DBX2: variants seen among roughly 807,000 people sequenced by gnomAD.
DBX2 encodes developing brain homeobox 2.
In DBX2, 16 loss-of-function variants were observed where a neutral mutation model predicts 17.7. The observed-to-expected ratio is 0.90, with a 90% CI of 0.61 to 1.37. The LOEUF (loss-of-function observed/expected upper bound fraction) is 1.37, where lower values mean the gene tolerates loss of function less well. Among genes scored for constraint, DBX2 ranks in the 40% most tolerant of loss-of-function variants. The pLI is 0.00. For missense variants in DBX2, 538 were observed against 433.8 expected (o/e 1.24, Z -2.13); for synonymous variants, 255 against 183.8 (o/e 1.39, Z -3.13).
At chr12:45,047,730 T>C (rs1358515040) in intron 1 of DBX2, among the ~76,000 whole-genome samples, 2 of 152,162 alleles carry the variant, frequency 1.3e-5, no homozygotes, top group South Asian at 2.1e-4. Flanking sequence ...CAATTGGCCC[T>C]CATTATTTTC....
intron 3 of DBX2, among the ~76,000 whole-genome samples, 191 bp downstream of exon 3, chr12:45,023,516 A>G (rs1226467707): frequency 6.6e-6 from 1 of 152,222 alleles, no homozygotes; most frequent in Non-Finnish European, 1.5e-5. Context: ...AAATTATGAA[A>G]AGCATTTCAA....
chr12:45,022,056 G>T (rs572723175), intron 3 of DBX2, among the ~76,000 whole-genome samples: 1 of 152,156 alleles, frequency 6.6e-6, no homozygotes, highest in Admixed American at 6.5e-5. Flanking sequence ...ACTGCTTTGT[G>T]ATATAGACAG....
At chr12:45,049,706 T>C (rs1244175063) in intron 1 of DBX2, among the ~76,000 whole-genome samples, 1 of 151,870 alleles carries the variant, frequency 6.6e-6, no homozygotes, top group African/African-American at 2.4e-5. Context: ...TCTGAGTCTC[T>C]AAGAGGCTTT....
rs1179507340 is a variant in DBX2 at position 45,015,530 on chromosome 12, T to C, written c.*756A>G. On this transcript the variant is annotated 3_prime_UTR_variant, in exon 4 of 4. Coordinates refer to ENST00000332700, the MANE Select transcript of DBX2 (RefSeq NM_001004329.3). ...AGGCATTTTATTTTGCAAACCCTGG[T>C]CTAGGCCCATCTTTACAGAGAAGAG... 6.6e-6 allele frequency: 1 copy of C among 152,204 alleles called. No individual in the cohort carries two copies. Among genetic ancestry groups the C allele is most frequent in the African/African-American group, 2.4e-5 (1 of 41,462 alleles). The allele number at this position is 152,204 out of a possible 1,614,324, so 9.4% of individuals were successfully genotyped here. A position where few individuals can be genotyped will look rare whatever the true frequency, so the allele number is the denominator to read the frequency against.
At chr12:45,041,286 T>C (rs1946470119) in intron 1 of DBX2, among the ~76,000 whole-genome samples, 1 of 151,588 alleles carries the variant, frequency 6.6e-6, no homozygotes, top group African/African-American at 2.4e-5. Context: ...ATGACCTCTT[T>C]CACATGCCAG....
In DBX2 at chr12:45,050,456, C is replaced by A. The variant is rs1342079184; in HGVS notation, c.403+69G>T. ...GGGCGCAGTGCGCACCGCCGGCGCT[C>A]CCAGATCCCTGGACCACCCGGCCTG... On this transcript the variant is annotated intron_variant, in intron 1 of 3. Coordinates refer to ENST00000332700, the MANE Select transcript of DBX2 (RefSeq NM_001004329.3). The A allele has an allele frequency of 2.0e-6, 3 of 1,523,774 alleles. No individual in the cohort carries two copies. The Admixed American group carries it at 6.2e-5, about 31-fold the overall frequency. The allele number at this position is 1,523,774 out of a possible 1,614,324, so 94.4% of individuals were successfully genotyped here.
At chr12:45,018,350 C>T (rs1946334066) in intron 3 of DBX2, among the ~76,000 whole-genome samples, 1 of 152,050 alleles carries the variant, frequency 6.6e-6, no homozygotes, top group Admixed American at 6.5e-5. Flanking sequence ...AGAAAAAATA[C>T]ATAAAAGGAG....
intron 2 of DBX2, among the ~76,000 whole-genome samples, chr12:45,031,702 G>T (rs1466498874): frequency 6.6e-6 from 1 of 152,134 alleles, no homozygotes; most frequent in Non-Finnish European, 1.5e-5. Flanking sequence ...GAACTGAACG[G>T]GTGCAGGCAG....
chr12:45,031,303 T>G (rs573615570), intron 2 of DBX2, among the ~76,000 whole-genome samples: 1 of 148,642 alleles, frequency 6.7e-6, no homozygotes, highest in South Asian at 2.2e-4. Context: ...GACACAGCGT[T>G]TGCCAAACCT....
intron 2 of DBX2, among the ~76,000 whole-genome samples, chr12:45,030,775 A>T (rs1946405110): frequency 6.6e-6 from 1 of 152,246 alleles, no homozygotes; most frequent in Admixed American, 6.5e-5. Flanking sequence ...TCTATGAAGC[A>T]CCACTGAATC....
chr12:45,030,560 T>C (rs1946404118), intron 2 of DBX2, among the ~76,000 whole-genome samples: 2 of 138,792 alleles, frequency 1.4e-5, no homozygotes, highest in Non-Finnish European at 2.9e-5. Context: ...GCCATGGCAC[T>C]GGCCTTCTCT....
intron 3 of DBX2, among the ~76,000 whole-genome samples, chr12:45,018,523 T>C (rs1946334874): frequency 2.0e-5 from 3 of 152,016 alleles, no homozygotes; most frequent in Non-Finnish European, 2.9e-5. Flanking sequence ...ATCATGATAG[T>C]CTTGGGGAAA....
At chr12:45,018,303 T>A (rs1368714248) in intron 3 of DBX2, among the ~76,000 whole-genome samples, 4 of 152,186 alleles carry the variant, frequency 2.6e-5, no homozygotes, top group Admixed American at 2.6e-4. Context: ...AGCTTTTCTG[T>A]ATATCTATAA....
At chr12:45,031,970 G>C (rs1026162855) in intron 2 of DBX2, among the ~76,000 whole-genome samples, 1 of 152,048 alleles carries the variant, frequency 6.6e-6, no homozygotes, top group Non-Finnish European at 1.5e-5. Context: ...GACAAGATCA[G>C]AGAAAACCAC....
In DBX2 at chr12:45,016,499, A is replaced by G. The variant is rs775772416; in HGVS notation, c.807T>C (p.Ala269=). 2 of 1,613,800 alleles carry G rather than the reference A, an allele frequency of 1.2e-6. No individual in the cohort carries two copies. The highest frequency in any genetic ancestry group is 1.7e-6 in the Non-Finnish European group (2 of 1,179,892). ...GLQEDPLSRS[A]LGFPSPCPSI... is the part of the protein sequence containing the mutation. The stretch of plus-strand genomic sequence containing the variant: ...AAGGACATGGAGAAGGGAAACCCAG[A>G]GCAGACCGTGAGAGGGGATCCTCTT... The change falls in exon 4 of 4, where the codon GCT becomes GCC. Residue 269 remains alanine (A), a synonymous_variant. Coordinates refer to ENST00000332700, the MANE Select transcript of DBX2 (RefSeq NM_001004329.3).
intron 3 of DBX2, among the ~76,000 whole-genome samples, chr12:45,022,114 AGAACAACCAATT>A (rs1946355652): frequency 6.6e-6 from 1 of 152,086 alleles, no homozygotes; most frequent in African/African-American, 2.4e-5. Flanking sequence ...ACTGAGGCAC[AGAACAACCAATT>A]GAGGTTATGG....
intron 2 of DBX2, among the ~76,000 whole-genome samples, chr12:45,032,570 C>T (rs994463516): frequency 3.3e-5 from 5 of 152,136 alleles, no homozygotes; most frequent in African/African-American, 1.2e-4. Context: ...TTTCTGCCTT[C>T]AACACAATCT....
intron 2 of DBX2, among the ~76,000 whole-genome samples, chr12:45,030,959 G>A (rs1335851776): frequency 6.6e-6 from 1 of 152,126 alleles, no homozygotes; most frequent in Non-Finnish European, 1.5e-5. Context: ...CTCTCCAACA[G>A]GCTAGCTACA....
chr12:45,025,388 A>G (rs1946376064), intron 2 of DBX2, among the ~76,000 whole-genome samples: 1 of 151,880 alleles, frequency 6.6e-6, no homozygotes, highest in Non-Finnish European at 1.5e-5. Flanking sequence ...CAAAGAACAC[A>G]CCCCTGCTTG....
Sources: allele counts gnomAD v4.1 joint callset (sites outside exome capture counted in the v4.1 genomes callset), GRCh38; gene constraint gnomAD v4.1.1; transcripts MANE v1.5; gene names NCBI Gene and HGNC (gene_info 2026-07-23, HGNC 2026-07-21).